The following NVL variants were observed in gnomAD, a reference collection of about 807,000 sequenced individuals.
NVL encodes the protein nuclear valosin-containing protein-like.
Under a neutral mutation model 110.2 loss-of-function variants are expected in NVL, and 84 were observed. The observed-to-expected ratio is 0.76, with a 90% CI of 0.64 to 0.91. NVL has a LOEUF of 0.91. Ranked by LOEUF, NVL falls within the 40% of genes least tolerant of loss-of-function variation. The pLI, the probability that NVL is intolerant of heterozygous loss-of-function variation, is 0.00. For synonymous variants in NVL, 354 were observed against 361.1 expected, an observed-to-expected ratio of 0.98 and a Z score of 0.22; for missense variants, 882 against 1,035.9, an observed-to-expected ratio of 0.85 and a Z score of 2.04.
At chr1:224,295,293 T>C (rs1055796567) in intron 11 of NVL, among the ~76,000 whole-genome samples, 9 of 151,952 alleles carry the variant, frequency 5.9e-5, no homozygotes, top group African/African-American at 1.7e-4. Context: ...CCCAGGTTCA[T>C]GCCATTCTCC....
chr1:224,282,034 G>A (rs1666405302), intron 15 of NVL, among the ~76,000 whole-genome samples: 3 of 149,206 alleles, frequency 2.0e-5, no homozygotes, highest in Admixed American at 2.0e-4. Context: ...ACGTTAATGT[G>A]TTAACGTACA....
At chr1:224,254,571 T>G (rs79215932) in intron 18 of NVL, among the ~76,000 whole-genome samples, 11,325 of 54,226 alleles carry the variant, frequency 0.21, 958 homozygotes, top group East Asian at 0.53. Context: ...TTGTTTTTTT[T>G]GTTTTTTTTT....
At chr1:224,266,952 T>A (rs1228497334) in intron 18 of NVL, among the ~76,000 whole-genome samples, 1 of 152,236 alleles carries the variant, frequency 6.6e-6, no homozygotes, top group Non-Finnish European at 1.5e-5. Context: ...TAAAGTAATA[T>A]AGTCCCAAGG....
chr1:224,312,033 C>T, intron 4 of NVL, 176 bp from the exon 5 acceptor site: 1 of 536,422 alleles, frequency 1.9e-6, no homozygotes, highest in Non-Finnish European at 3.3e-6. Flanking sequence ...TACTTAACCT[C>T]TCTAAGCGTC....
At chr1:224,317,572 G>C in intron 4 of NVL, 122 bp downstream of exon 4, 1 of 634,756 alleles carries the variant, frequency 1.6e-6, no homozygotes, top group South Asian at 1.9e-5. Flanking sequence ...TATGGCTGAA[G>C]AGGTTAGGTA....
chr1:224,318,340 T>C (rs1670293318), intron 2 of NVL, among the ~76,000 whole-genome samples: 1 of 152,164 alleles, frequency 6.6e-6, no homozygotes, highest in Non-Finnish European at 1.5e-5. Flanking sequence ...CAGTGGCTCA[T>C]GCCTGTAATC....
intron 12 of NVL, 151 bp from the exon 13 acceptor site, chr1:224,289,884 C>T (rs1667214123): frequency 1.5e-6 from 1 of 676,930 alleles, no homozygotes; most frequent in African/African-American, 1.8e-5. Context: ...TCAACAAACG[C>T]TGTCATTATT....
chr1:224,273,056 C>A lies in NVL; in HGVS notation c.2082+2283G>T, dbSNP rs541899940. Among the ~76,000 whole-genome samples the A allele has an allele frequency of 8.7e-3, 930 of 106,314 alleles. 19 individuals are homozygous for A. Among genetic ancestry groups the A allele is most frequent in the African/African-American group, 0.028 (787 of 27,718 alleles). The allele number at this position is 106,314 out of a possible 152,430, so 69.7% of individuals were successfully genotyped here. A position where few individuals can be genotyped will look rare whatever the true frequency, so the allele number is the denominator to read the frequency against. On this transcript the variant is annotated intron_variant, in intron 17 of 22. Transcript: ENST00000281701. ...CTCAAAAAAAAACAAAAAAAACAAA[C>A]AAACAAAAAAAAACACAACAAAAAC...
In NVL at chr1:224,326,433, A is replaced by C; in HGVS notation, c.89T>G (p.Val30Gly). ...ATCAGACGCTAAGACTCCAATGTCC[A>C]CATATTTGCCACATTTGTTACTGGT... is the stretch of plus-strand genomic sequence containing the variant. ...YLTSNKCGKYVDIGVLASDLQ... is the reference protein window; with the variant it reads ...YLTSNKCGKYGDIGVLASDLQ... Residue 30 changes from valine (V) to glycine (G), a missense_variant, in exon 2 of 23, where the codon GTG (valine) becomes GGG (glycine). Coordinates refer to ENST00000281701, the MANE Select transcript of NVL (RefSeq NM_002533.4). The C allele has an allele frequency of 6.2e-7, 1 of 1,612,660 alleles. No individual in the cohort carries two copies. Among genetic ancestry groups the C allele is most frequent in the Non-Finnish European group, 8.5e-7 (1 of 1,179,058 alleles).
intron 19 of NVL, among the ~76,000 whole-genome samples, chr1:224,244,059 G>A (rs1294886876): frequency 6.6e-6 from 1 of 151,626 alleles, no homozygotes; most frequent in Non-Finnish European, 1.5e-5. Flanking sequence ...TTAAAAGGAA[G>A]TAGAAGTTAT....
At chr1:224,251,103 G>A (rs901847973) in intron 18 of NVL, among the ~76,000 whole-genome samples, 11 of 151,744 alleles carry the variant, frequency 7.2e-5, no homozygotes, top group South Asian at 2.1e-4. Flanking sequence ...GTGAAACCCC[G>A]TCTCTGCTAA....
At chr1:224,285,930 C>T in intron 15 of NVL, 96 bp downstream of exon 15, 1 of 832,204 alleles carries the variant, frequency 1.2e-6, no homozygotes, top group Non-Finnish European at 1.9e-6. Context: ...AAAAATTATG[C>T]ATAAGACTTA....
intron 17 of NVL, among the ~76,000 whole-genome samples, chr1:224,274,941 A>T (rs972515823): frequency 4.6e-5 from 7 of 152,196 alleles, no homozygotes; most frequent in African/African-American, 1.7e-4. Context: ...TTTGGGTCTT[A>T]AAAGTTAATA....
intron 9 of NVL, among the ~76,000 whole-genome samples, chr1:224,300,903 G>A (rs932915723): frequency 4.6e-5 from 7 of 151,912 alleles, no homozygotes; most frequent in South Asian, 2.1e-4. Context: ...TCAGGAGTTC[G>A]AGACCACCCT....
intron 16 of NVL, among the ~76,000 whole-genome samples, chr1:224,280,234 T>C (rs1178256357): frequency 6.6e-6 from 1 of 151,092 alleles, no homozygotes; most frequent in African/African-American, 2.4e-5. Context: ...TATTACTCTT[T>C]GGAATTCCTT....
rs947088950 is a variant in NVL at position 224,304,862 on chromosome 1, T to C, written c.749-50A>G. ...AAAAGATTAATGATTCAGTAGTAAC[T>C]CATAATTATAATGAATAGTCTTTAA... On this transcript the variant is annotated intron_variant, in intron 7 of 22. Transcript: ENST00000281701. The C allele has an allele frequency of 4.0e-6, 6 of 1,515,546 alleles. No homozygotes were observed. In the Admixed American group the frequency reaches 5.1e-5, roughly 13 times the overall value. The allele number at this position is 1,515,546 out of a possible 1,614,324, so 93.9% of individuals were successfully genotyped here.
At position 224,289,612 on chromosome 1, in the gene NVL, T is replaced by C. The variant is rs1252955686; in HGVS notation, c.1447A>G (p.Met483Val). ...DLMALCREAA[M>V]CAVNRVLMKL... The stretch of plus-strand genomic sequence containing the variant: ...ATTAAGACTCTATTGACTGCACACA[T>C]TGCTGCCTCTCGGCACAGTGCCATG... Residue 483 changes from methionine (M) to valine (V), a missense_variant, in exon 13 of 23, where the codon ATG (methionine) becomes GTG (valine). Met to Val is a conservative substitution (Grantham distance 21, BLOSUM62 1). This residue lies in a region of NVL where 416 missense variants were observed against 499.3 expected (regional missense o/e 0.83). Transcript: ENST00000281701. 2.7e-5 allele frequency: 43 copies of C among 1,614,124 alleles called. No individual in the cohort carries two copies. Among genetic ancestry groups the C allele is most frequent in the Admixed American group, 3.3e-5 (2 of 60,002 alleles).
intron 9 of NVL, among the ~76,000 whole-genome samples, chr1:224,300,873 G>A (rs1007360743): frequency 1.3e-5 from 2 of 152,106 alleles, no homozygotes; most frequent in African/African-American, 4.8e-5. Flanking sequence ...GGGAGGCTGA[G>A]GTGGGCGGAT....
At chr1:224,259,706 G>A (rs903834266) in intron 18 of NVL, among the ~76,000 whole-genome samples, 2 of 152,080 alleles carry the variant, frequency 1.3e-5, no homozygotes, top group African/African-American at 4.8e-5. Context: ...CCAAGCTGGA[G>A]TGCAGTGGCA....
Sources: gnomAD v4.1 joint callset for allele counts (sites outside exome capture counted in the v4.1 genomes callset) on GRCh38, gnomAD v4.1.1 for gene constraint, gnomAD v4.1.1 regional missense constraint, MANE v1.5 for transcripts, NCBI Gene and HGNC (gene_info 2026-07-23, HGNC 2026-07-21) for gene names.